GSE1: variants seen among roughly 807,000 people sequenced by gnomAD.
GSE1 encodes Gse1 coiled-coil protein.
GSE1 carries 32 observed loss-of-function variants against 112.6 expected under a neutral mutation model. The ratio of observed to expected loss-of-function variants is 0.28; its 90% CI spans 0.21 to 0.38. The LOEUF is 0.38. GSE1 is among the 10% of genes least tolerant of loss of function. The pLI is 1.00. For synonymous variants in GSE1, 1,115 were observed against 735.6 expected, an observed-to-expected ratio of 1.52 and a Z score of -8.35; for missense variants, 2,348 against 1,699.2, an observed-to-expected ratio of 1.38 and a Z score of -6.71.
rs1042533850 is a variant in GSE1 at position 85,661,860 on chromosome 16, CCTG to C, written c.2260+98_2260+100del. ...AGCCACCTGCCCCTCTCCGTCCACT[CCTG>C]CTTTTTGCCTGGGGTAGTCCCAGGC... On this transcript the variant is annotated intron_variant, in intron 9 of 15. Coordinates refer to ENST00000253458, the MANE Select transcript of GSE1 (RefSeq NM_014615.5). 27 of 1,276,664 alleles carry C rather than the reference CCTG, an allele frequency of 2.1e-5. No homozygotes were observed. The African/African-American group carries it at 3.8e-4, about 18-fold the overall frequency. The allele number at this position is 1,276,664 out of a possible 1,614,324, so 79.1% of individuals were successfully genotyped here. A position where few individuals can be genotyped will look rare whatever the true frequency, so the allele number is the denominator to read the frequency against.
intron 2 of GSE1, among the ~76,000 whole-genome samples, chr16:85,482,837 G>A (rs1169868439): frequency 2.0e-5 from 3 of 152,292 alleles, no homozygotes; most frequent in African/African-American, 7.2e-5. Flanking sequence ...GATTAGCCAG[G>A]CATGGTGGAG....
At position 85,301,322 on chromosome 16, in the gene GSE1, A is replaced by G. The variant is rs1335572002; in HGVS notation, c.2284-56141A>G. ...TGGCAGGAGCTGCCTTCACTGGGAG[A>G]CGTGTCGGATTCATGGGGGTGATTG... On this transcript the variant is annotated intron_variant, in intron 1 of 2. Coordinates refer to the GSE1 transcript ENST00000637419. Among the ~76,000 whole-genome samples, 3 of 152,132 alleles carry G rather than the reference A, an allele frequency of 2.0e-5. No individual in the cohort carries two copies. The East Asian group carries it at 5.8e-4, about 29-fold the overall frequency.
Position 85,671,035 on chromosome 16 carries a change from A to G in GSE1, c.3456A>G (p.Arg1152=). 2 of 1,612,894 alleles carry G rather than the reference A, an allele frequency of 1.2e-6. No individual in the cohort carries two copies. The highest frequency in any genetic ancestry group is 1.7e-6 in the Non-Finnish European group (2 of 1,178,948). Reference sequence around the variant, plus strand: ...GGCAGGTGTTACAGACACAATGTAGACGACTGGAGGCCCGGCACTACAGCC... The same window carrying G: ...GGCAGGTGTTACAGACACAATGTAGGCGACTGGAGGCCCGGCACTACAGCC... ...LERQVLQTQC[R]RLEARHYSLS... Residue 1152 remains arginine (R), a synonymous_variant, in exon 15 of 16, where the codon AGA becomes AGG. Coordinates refer to ENST00000253458, the MANE Select transcript of GSE1 (RefSeq NM_014615.5).
chr16:85,584,339 A>G (rs1036757765), intron 1 of GSE1, among the ~76,000 whole-genome samples: 4 of 152,154 alleles, frequency 2.6e-5, no homozygotes, highest in African/African-American at 9.7e-5. Flanking sequence ...GCTGGCTACC[A>G]CCAAGATGAA....
At chr16:85,488,881 G>A (rs118191908) in intron 2 of GSE1, among the ~76,000 whole-genome samples, 1 of 152,060 alleles carries the variant, frequency 6.6e-6, no homozygotes, top group African/African-American at 2.4e-5. Context: ...AACAGCAGAA[G>A]ACCCCCCCAT....
chr16:85,440,913 A>G (rs2049360223), intron 2 of GSE1, among the ~76,000 whole-genome samples: 2 of 152,186 alleles, frequency 1.3e-5, no homozygotes, highest in South Asian at 4.1e-4. Context: ...CTCACCCATC[A>G]TGCGGGGCCT....
At chr16:85,556,271 A>G (rs367719346) in exon 1 of GSE1, 26 of 982,366 alleles carry the variant, frequency 2.6e-5, no homozygotes, top group Middle Eastern at 1.0e-3. Flanking sequence ...CCTGGGTTTT[A>G]ATATTATTTT....
intron 1 of GSE1, among the ~76,000 whole-genome samples, chr16:85,262,737 CCAG>C (rs1907832787): frequency 6.6e-6 from 1 of 152,228 alleles, no homozygotes; most frequent in Non-Finnish European, 1.5e-5. Flanking sequence ...TCCCCACAGC[CCAG>C]TTTCCTCATC....
chr16:85,393,108 C>G (rs1259333586), intron 2 of GSE1, among the ~76,000 whole-genome samples: 4 of 152,174 alleles, frequency 2.6e-5, no homozygotes, highest in African/African-American at 4.8e-5. Context: ...TCTTGGAGGT[C>G]GGAAGAGAAA....
In GSE1 at chr16:85,373,904, G is replaced by A. The variant is rs763925298; in HGVS notation, c.2464+16261G>A. Among the ~76,000 whole-genome samples the A allele has an allele frequency of 2.2e-4, 33 of 152,084 alleles. No individual in the cohort carries two copies. Among genetic ancestry groups the A allele is most frequent in the Non-Finnish European group, 4.3e-4 (29 of 67,998 alleles). On this transcript the variant is annotated intron_variant, in intron 2 of 2. Transcript: ENST00000637419. The surrounding 1 kb of genome is among the most constrained non-coding windows in gnomAD (Gnocchi z 5.1). ...CATGAGCGGCAGCCTCCAGGCACCC[G>A]CCCGGCCTCCCTCCCCGCTCCCCGC...
chr16:85,186,888 C>T (rs1016103172), intron 1 of GSE1, among the ~76,000 whole-genome samples: 4 of 152,230 alleles, frequency 2.6e-5, no homozygotes, highest in African/African-American at 7.2e-5. Flanking sequence ...GTATCGATTA[C>T]AAGACATTAT....
intron 1 of GSE1, among the ~76,000 whole-genome samples, chr16:85,260,008 C>T (rs1289969021): frequency 6.6e-6 from 1 of 152,228 alleles, no homozygotes; most frequent in Non-Finnish European, 1.5e-5. Flanking sequence ...CTCAGGGCTC[C>T]ATCTGGCCAG....
chr16:85,351,300 C>G (rs1374375688), intron 1 of GSE1, among the ~76,000 whole-genome samples: 1 of 152,180 alleles, frequency 6.6e-6, no homozygotes, highest in Non-Finnish European at 1.5e-5. Flanking sequence ...GCTGTGGGTC[C>G]TCAAACTGGA....
intron 15 of GSE1, 113 bp downstream of exon 15, chr16:85,671,211 T>G: frequency 1.7e-6 from 1 of 595,778 alleles, no homozygotes; most frequent in Non-Finnish European, 3.0e-6. Flanking sequence ...AGATCAAAAT[T>G]TGGCGGATCA....
intron 1 of GSE1, among the ~76,000 whole-genome samples, chr16:85,600,303 C>G (rs2047406161): frequency 6.6e-6 from 1 of 152,182 alleles, no homozygotes; most frequent in African/African-American, 2.4e-5. Context: ...TGTGATCACC[C>G]TGTGCCCAAA....
At chr16:85,175,919 C>G (rs574651195) in intron 1 of GSE1, among the ~76,000 whole-genome samples, 1 of 152,324 alleles carries the variant, frequency 6.6e-6, no homozygotes, top group African/African-American at 2.4e-5. Flanking sequence ...AACCCCAGGA[C>G]CAGCGTCGGG....
At chr16:85,611,702 C>T (rs1489229215), upstream of GSE1, among the ~76,000 whole-genome samples, 1 of 152,104 alleles carries the variant, frequency 6.6e-6, no homozygotes, top group Non-Finnish European at 1.5e-5. Flanking sequence ...CCTGAGGGAG[C>T]CCGCCAGACC....
chr16:85,336,926 A>T (rs926214626), intron 1 of GSE1, among the ~76,000 whole-genome samples: 1 of 152,262 alleles, frequency 6.6e-6, no homozygotes, highest in African/African-American at 2.4e-5. Context: ...GCCCACACAA[A>T]TGCACACGCT....
chr16:85,254,633 C>T (rs1467963249), intron 1 of GSE1, among the ~76,000 whole-genome samples: 3 of 152,208 alleles, frequency 2.0e-5, no homozygotes, highest in Non-Finnish European at 4.4e-5. Context: ...ATCCTCGCGC[C>T]TCGCTCGCTC....
Sources: gnomAD v4.1 joint callset for allele counts (sites outside exome capture counted in the v4.1 genomes callset) on GRCh38, gnomAD v4.1.1 for gene constraint, Gnocchi (gnomAD v3.1) non-coding constraint, MANE v1.5 for transcripts, NCBI Gene and HGNC (gene_info 2026-07-23, HGNC 2026-07-21) for gene names.